SMYD3: variants seen among roughly 807,000 people sequenced by gnomAD.
SMYD3 encodes histone-lysine N-methyltransferase SMYD3.
SMYD3 carries 36 observed loss-of-function variants against 57.7 expected under a neutral mutation model. The observed-to-expected ratio is 0.62, with a 90% CI of 0.48 to 0.82. The LOEUF (loss-of-function observed/expected upper bound fraction) is 0.82, where lower values mean the gene tolerates loss of function less well. Ranked by LOEUF, SMYD3 falls within the 40% of genes least tolerant of loss-of-function variation. The probability of loss-of-function intolerance (pLI) is 0.00; values close to 1 mark genes in which losing one functional copy is unlikely to be tolerated. For synonymous variants in SMYD3, 211 were observed against 195.0 expected, an observed-to-expected ratio of 1.08 and a Z score of -0.68; for missense variants, 515 against 538.8, an observed-to-expected ratio of 0.96 and a Z score of 0.44.
At chr1:246,311,441 T>G (rs991495358) in intron 5 of SMYD3, among the ~76,000 whole-genome samples, 1 of 152,248 alleles carries the variant, frequency 6.6e-6, no homozygotes, top group Non-Finnish European at 1.5e-5. Context: ...GGAAAGGATT[T>G]ACAAAATGTC....
At chr1:246,270,338 C>T (rs529069074) in intron 5 of SMYD3, among the ~76,000 whole-genome samples, 29 of 152,178 alleles carry the variant, frequency 1.9e-4, no homozygotes, top group Non-Finnish European at 3.7e-4. Flanking sequence ...AATTTACTAT[C>T]TTAACCATAG....
At chr1:246,497,989 T>C (rs575528081) in intron 1 of SMYD3, among the ~76,000 whole-genome samples, 1 of 152,268 alleles carries the variant, frequency 6.6e-6, no homozygotes, top group South Asian at 2.1e-4. Context: ...ACTTCACCCA[T>C]AATGCAATTT....
intron 1 of SMYD3, among the ~76,000 whole-genome samples, chr1:246,467,804 A>C (rs1388163204): frequency 6.6e-6 from 1 of 152,242 alleles, no homozygotes; most frequent in African/African-American, 2.4e-5. Flanking sequence ...CAGACACAAT[A>C]AAAGAAGAAA....
intron 5 of SMYD3, among the ~76,000 whole-genome samples, chr1:246,031,607 G>T (rs2059675721): frequency 6.6e-6 from 1 of 151,898 alleles, no homozygotes; most frequent in African/African-American, 2.4e-5. Context: ...CGTGGTGGCG[G>T]GCGCCTGTAG....
At chr1:246,087,088 T>C (rs996029237) in intron 5 of SMYD3, among the ~76,000 whole-genome samples, 3 of 152,216 alleles carry the variant, frequency 2.0e-5, no homozygotes, top group African/African-American at 7.2e-5. Context: ...TAGTATTCCA[T>C]GGTGTGTATG....
rs1246746339 is a variant in SMYD3, at chr1:246,362,785, G to C, written c.165-7691C>G. On this transcript the variant is annotated intron_variant, in intron 1 of 11. Coordinates refer to ENST00000490107, the MANE Select transcript of SMYD3 (RefSeq NM_001167740.2). ...AGTGGTCAATGGTGCCCAGGCTGGA[G>C]TGCAGTGGCGTGATCTCGGCTCGCT... Among the ~76,000 whole-genome samples the C allele has an allele frequency of 3.3e-5, 5 of 152,378 alleles. No individual in the cohort carries two copies. In the East Asian group the frequency reaches 5.8e-4, roughly 18 times the overall value.
chr1:245,783,425 C>T (rs1453404206), intron 10 of SMYD3, among the ~76,000 whole-genome samples: 1 of 152,110 alleles, frequency 6.6e-6, no homozygotes, highest in Non-Finnish European at 1.5e-5. Context: ...CCAAGGGCAA[C>T]TTGTGTACCA....
chr1:245,907,148 G>A (rs568696821), intron 8 of SMYD3, among the ~76,000 whole-genome samples: 22 of 152,236 alleles, frequency 1.4e-4, no homozygotes, highest in Middle Eastern at 6.8e-3. Context: ...CCTACTATTT[G>A]ATAGCACAAT....
intron 5 of SMYD3, among the ~76,000 whole-genome samples, chr1:246,100,859 T>TG (rs3831944): frequency 0.021 from 3,169 of 151,998 alleles, 137 homozygotes; most frequent in East Asian, 0.15. Flanking sequence ...AGTCTTACCA[T>TG]GAGGAGGATA....
chr1:246,495,175 C>T (rs1443464866), intron 1 of SMYD3, among the ~76,000 whole-genome samples: 1 of 151,798 alleles, frequency 6.6e-6, no homozygotes, highest in Non-Finnish European at 1.5e-5. Context: ...CGGTGAAACC[C>T]CATCTCTACT....
chr1:246,378,763 T>G (rs1232186037), intron 1 of SMYD3, among the ~76,000 whole-genome samples: 1 of 117,038 alleles, frequency 8.5e-6, no homozygotes, highest in African/African-American at 3.4e-5. Flanking sequence ...ATATTTAATA[T>G]ATTATATATA....
intron 5 of SMYD3, among the ~76,000 whole-genome samples, chr1:246,083,083 G>A (rs200805049): frequency 6.6e-6 from 1 of 151,910 alleles, no homozygotes; most frequent in South Asian, 2.1e-4. Context: ...AGACCTGACC[G>A]TCCCCCAGCC....
intron 1 of SMYD3, among the ~76,000 whole-genome samples, chr1:246,423,135 A>G (rs1435993206): frequency 6.6e-6 from 1 of 151,986 alleles, no homozygotes; most frequent in Middle Eastern, 3.2e-3. Context: ...TGTCTCTTCT[A>G]AAAATACAAA....
intron 10 of SMYD3, among the ~76,000 whole-genome samples, chr1:245,824,937 A>G (rs139573217): frequency 1.3e-5 from 2 of 151,672 alleles, no homozygotes; most frequent in African/African-American, 4.8e-5. Flanking sequence ...AGGCTGAAGC[A>G]GGAAAATTGC....
intron 5 of SMYD3, among the ~76,000 whole-genome samples, chr1:246,123,552 G>C (rs929278952): frequency 1.3e-5 from 2 of 149,974 alleles, no homozygotes; most frequent in Admixed American, 1.3e-4. Flanking sequence ...CTGGGAGACA[G>C]AGTGAGACTC....
intron 5 of SMYD3, among the ~76,000 whole-genome samples, chr1:246,047,937 T>A (rs1200084630): frequency 6.6e-6 from 1 of 152,156 alleles, no homozygotes; most frequent in Non-Finnish European, 1.5e-5. Context: ...TAAAAAAACC[T>A]ACATAGTCAT....
chr1:245,989,363 G>A (rs955741204), intron 5 of SMYD3, among the ~76,000 whole-genome samples: 1 of 152,148 alleles, frequency 6.6e-6, no homozygotes, highest in Non-Finnish European at 1.5e-5. Context: ...ATTTCATTGT[G>A]TACTTTTCTC....
intron 5 of SMYD3, among the ~76,000 whole-genome samples, chr1:246,032,644 TC>T (rs2059698645): frequency 6.6e-6 from 1 of 152,206 alleles, no homozygotes; most frequent in South Asian, 2.1e-4. Context: ...TTTGGTGTCT[TC>T]TGTACTCATA....
chr1:245,957,630 T>C (rs1027603870), intron 5 of SMYD3, among the ~76,000 whole-genome samples: 3 of 143,798 alleles, frequency 2.1e-5, no homozygotes, highest in African/African-American at 5.4e-5. Context: ...ATTGTGTCTA[T>C]ACTTGAGTAG....
Sources: allele counts gnomAD v4.1 joint callset (sites outside exome capture counted in the v4.1 genomes callset), GRCh38; gene constraint gnomAD v4.1.1; transcripts MANE v1.5; gene names NCBI Gene and HGNC (gene_info 2026-07-23, HGNC 2026-07-21).